The following PRDM5 variants were observed in gnomAD, a reference collection of about 807,000 sequenced individuals.
PRDM5 encodes PR domain zinc finger protein 5.
Under a neutral mutation model 81.2 loss-of-function variants are expected in PRDM5, and 56 were observed. The observed-to-expected ratio is 0.69, with a 90% CI of 0.56 to 0.86. The LOEUF is 0.86. Ranked by LOEUF, PRDM5 falls within the 40% of genes least tolerant of loss-of-function variation. PRDM5 has a pLI of 0.00. For synonymous variants in PRDM5, 267 were observed against 256.4 expected, an observed-to-expected ratio of 1.04 and a Z score of -0.39; for missense variants, 697 against 770.1, an observed-to-expected ratio of 0.91 and a Z score of 1.12.
intron 14 of PRDM5, among the ~76,000 whole-genome samples, chr4:120,722,813 A>T (rs1738825173): frequency 6.6e-6 from 1 of 152,140 alleles, no homozygotes; most frequent in Non-Finnish European, 1.5e-5. Context: ...CTGCCTGTTG[A>T]TACAGACCAC....
chr4:120,774,133 G>A (rs1458131475), intron 13 of PRDM5, among the ~76,000 whole-genome samples: 1 of 152,144 alleles, frequency 6.6e-6, no homozygotes, highest in African/African-American at 2.4e-5. Flanking sequence ...TTTTAAGAAT[G>A]GTATGGAGTG....
At chr4:120,905,698 T>C (rs1475770395) in intron 2 of PRDM5, among the ~76,000 whole-genome samples, 1 of 152,126 alleles carries the variant, frequency 6.6e-6, no homozygotes, top group Non-Finnish European at 1.5e-5. Flanking sequence ...AACAAATATA[T>C]ATACTATCTC....
rs374295625 is a variant in PRDM5, at chr4:120,872,147, T to C, written c.178-18607A>G. On this transcript the variant is annotated intron_variant, in intron 2 of 15. Transcript: ENST00000264808. ...GCCTGGGCGACAGAGCAAGACTCCA[T>C]CTCAAAAAAAAAAAAAAAAAAAAAA... is the stretch of plus-strand genomic sequence containing the variant. Among the ~76,000 whole-genome samples the C allele has an allele frequency of 5.1e-4, 21 of 41,024 alleles. 1 individual carries two copies. Among genetic ancestry groups the C allele is most frequent in the African/African-American group, 1.7e-3 (17 of 9,958 alleles). 26.9% of individuals were successfully genotyped at this position (41,024 alleles called of 152,430 possible).
At chr4:120,781,384 T>G in intron 11 of PRDM5, 81 bp from the exon 12 acceptor site, 2 of 1,299,264 alleles carry the variant, frequency 1.5e-6, no homozygotes, top group Non-Finnish European at 2.2e-6. Context: ...CTTAGTTGCT[T>G]TCTCCAAAAT....
chr4:120,915,257 CACT>C (rs1723996512), intron 1 of PRDM5, among the ~76,000 whole-genome samples: 1 of 152,070 alleles, frequency 6.6e-6, no homozygotes, highest in African/African-American at 2.4e-5. Context: ...TTAAGGAGAG[CACT>C]AGCTTACCTG....
chr4:120,705,200 C>A (rs1735932563), intron 15 of PRDM5, among the ~76,000 whole-genome samples: 1 of 152,140 alleles, frequency 6.6e-6, no homozygotes, highest in Non-Finnish European at 1.5e-5. Flanking sequence ...CAATTAATTT[C>A]TTTATCCATT....
Position 120,847,728 on chromosome 4 carries a change from G to A in PRDM5, c.300+5690C>T, listed in dbSNP as rs149637599. Among the ~76,000 whole-genome samples the A allele has an allele frequency of 1.4e-3, 216 of 152,220 alleles. 1 individual carries two copies. Among genetic ancestry groups the A allele is most frequent in the African/African-American group, 4.8e-3 (201 of 41,522 alleles). On this transcript the variant is annotated intron_variant, in intron 3 of 15. Transcript: ENST00000264808. ...TCATAAATACATACCAATAAGACAG[G>A]CTAGATGAAAGTCATTCTGCAAATA... is the stretch of plus-strand genomic sequence containing the variant.
chr4:120,749,888 C>G (rs1273162650), intron 14 of PRDM5, among the ~76,000 whole-genome samples: 2 of 152,128 alleles, frequency 1.3e-5, no homozygotes, highest in East Asian at 3.9e-4. Context: ...ACCTCTTTCT[C>G]ATGCCCCAAA....
chr4:120,721,664 G>T (rs1393620182), intron 14 of PRDM5, among the ~76,000 whole-genome samples: 2 of 152,206 alleles, frequency 1.3e-5, no homozygotes, highest in African/African-American at 4.8e-5. Context: ...ATTTGCTATG[G>T]TTATTCTCAC....
Position 120,922,382 on chromosome 4 carries a change from G to T in PRDM5, c.93+134C>A, listed in dbSNP as rs1356702172. 4 of 1,119,968 alleles carry T rather than the reference G, an allele frequency of 3.6e-6. No homozygotes were observed. In the African/African-American group the frequency reaches 6.6e-5, roughly 19 times the overall value. The allele number at this position is 1,119,968 out of a possible 1,614,324, so 69.4% of individuals were successfully genotyped here. Reference sequence around the variant, plus strand: ...CCCCGCGGTCCCCGGCCTTCCCACGGACGCCTGGCCCGGCCCGGGCGAGGG... The same window carrying T: ...CCCCGCGGTCCCCGGCCTTCCCACGTACGCCTGGCCCGGCCCGGGCGAGGG... On this transcript the variant is annotated intron_variant, in intron 1 of 15. Coordinates refer to ENST00000264808, the MANE Select transcript of PRDM5 (RefSeq NM_018699.4).
intron 10 of PRDM5, among the ~76,000 whole-genome samples, chr4:120,790,554 T>G (rs751641418): frequency 6.6e-6 from 1 of 152,202 alleles, no homozygotes; most frequent in African/African-American, 2.4e-5. Flanking sequence ...TTGAGATTTA[T>G]GTACCATCTA....
At chr4:120,872,454 A>T (rs1047863463) in intron 2 of PRDM5, among the ~76,000 whole-genome samples, 4 of 152,204 alleles carry the variant, frequency 2.6e-5, no homozygotes, top group African/African-American at 9.6e-5. Flanking sequence ...GTCATGAAAA[A>T]GGACAAATGC....
chr4:120,712,619 A>G (rs1433500830), intron 14 of PRDM5, among the ~76,000 whole-genome samples: 1 of 152,148 alleles, frequency 6.6e-6, no homozygotes, highest in African/African-American at 2.4e-5. Flanking sequence ...TATGAATGGA[A>G]CCTTAAGATA....
chr4:120,817,546 A>G (rs892410360), intron 5 of PRDM5, among the ~76,000 whole-genome samples: 2 of 152,158 alleles, frequency 1.3e-5, no homozygotes, highest in African/African-American at 4.8e-5. Flanking sequence ...AGATGGGACA[A>G]TTTACATTAC....
At chr4:120,858,462 C>T (rs1760140620) in intron 2 of PRDM5, among the ~76,000 whole-genome samples, 1 of 152,188 alleles carries the variant, frequency 6.6e-6, no homozygotes. Flanking sequence ...AGCTAGGAAA[C>T]TGTAGTGATT....
At chr4:120,728,238 T>A (rs1318139706) in intron 14 of PRDM5, among the ~76,000 whole-genome samples, 1 of 152,000 alleles carries the variant, frequency 6.6e-6, no homozygotes, top group Non-Finnish European at 1.5e-5. Flanking sequence ...ACCATCATAA[T>A]CACTGTAAAT....
intron 2 of PRDM5, among the ~76,000 whole-genome samples, chr4:120,878,870 T>C (rs1416175135): frequency 6.6e-6 from 1 of 152,168 alleles, no homozygotes. Flanking sequence ...GGCCAAAATC[T>C]AAAACACTGA....
chr4:120,769,823 A>T (rs1024537393), intron 13 of PRDM5, among the ~76,000 whole-genome samples: 5 of 152,172 alleles, frequency 3.3e-5, no homozygotes, highest in African/African-American at 9.7e-5. Flanking sequence ...AGAAAACAAA[A>T]ACAAAACAAC....
chr4:120,818,328 A>C (rs762115924), intron 5 of PRDM5, 25 bp downstream of exon 5: 1 of 1,605,004 alleles, frequency 6.2e-7, no homozygotes, highest in Non-Finnish European at 8.5e-7. Flanking sequence ...TTATAATTTT[A>C]AAGATATTTC....
Sources: allele counts gnomAD v4.1 joint callset (sites outside exome capture counted in the v4.1 genomes callset), GRCh38; gene constraint gnomAD v4.1.1; transcripts MANE v1.5; gene names NCBI Gene and HGNC (gene_info 2026-07-23, HGNC 2026-07-21).